DHRSX: variants seen among roughly 807,000 people sequenced by gnomAD.
DHRSX encodes the protein dehydrogenase/reductase X-linked.
In DHRSX, 31 loss-of-function variants were observed where a neutral mutation model predicts 34.0. The ratio of observed to expected loss-of-function variants is 0.91; its 90% CI spans 0.69 to 1.23. DHRSX has a LOEUF of 1.23. Among genes scored for constraint, DHRSX ranks in the 50% most tolerant of loss-of-function variants. The pLI, the probability that DHRSX is intolerant of heterozygous loss-of-function variation, is 0.00. For synonymous variants in DHRSX, 201 were observed against 183.8 expected (o/e 1.09, Z -0.76); for missense variants, 414 against 428.1 (o/e 0.97, Z 0.29).
chrX:2,374,747 C>A (rs28609370), intron 3 of DHRSX, among the ~76,000 whole-genome samples: 2,916 of 133,904 alleles, frequency 0.022, 672 homozygotes, highest in South Asian at 0.048. Flanking sequence ...CTCAAAAAAA[C>A]CAAAAAACAA....
intron 3 of DHRSX, among the ~76,000 whole-genome samples, chrX:2,380,967 C>T (rs184781085): frequency 0.061 from 9,293 of 152,108 alleles, 642 homozygotes; most frequent in African/African-American, 0.17. Context: ...GAGGTTCAAG[C>T]GATTCTCCTG....
chrX:2,283,040 G>A (rs992145246), intron 4 of DHRSX, among the ~76,000 whole-genome samples: 4 of 151,552 alleles, frequency 2.6e-5, no homozygotes, highest in Admixed American at 1.3e-4. Context: ...GGAGAAGGAG[G>A]AGAGAGAGAC....
chrX:2,464,837 C>G (rs978580334), intron 1 of DHRSX, among the ~76,000 whole-genome samples: 2 of 151,736 alleles, frequency 1.3e-5, no homozygotes, highest in African/African-American at 4.8e-5. Context: ...AGCCAAGGAA[C>G]GGCCACCATG....
At chrX:2,393,654 C>T (rs1234784449) in intron 3 of DHRSX, among the ~76,000 whole-genome samples, 86 of 143,920 alleles carry the variant, frequency 6.0e-4, no homozygotes, top group African/African-American at 2.2e-3. Flanking sequence ...GGGACCTCCC[C>T]GTCTCCTCCG....
intron 1 of DHRSX, among the ~76,000 whole-genome samples, chrX:2,482,561 G>A (rs765308606): frequency 6.6e-6 from 1 of 152,172 alleles, no homozygotes; most frequent in South Asian, 2.1e-4. Flanking sequence ...CATTGTGCCC[G>A]GTCTCATACC....
intron 1 of DHRSX, among the ~76,000 whole-genome samples, chrX:2,450,419 G>A (rs1351211362): frequency 2.0e-5 from 3 of 151,870 alleles, no homozygotes; most frequent in African/African-American, 4.8e-5. Flanking sequence ...CCAAGATCGC[G>A]TCACTGTACT....
chrX:2,500,774 A>G lies in DHRSX; in HGVS notation c.109+43T>C, dbSNP rs994189246. On this transcript the variant is annotated intron_variant, in intron 1 of 6. Transcript: ENST00000334651. ...CCCGCCCCCGAGCCAGCCCGCGCCC[A>G]CCCGGGTCCCCGGAGCCCTGACCCC... is the stretch of plus-strand genomic sequence containing the variant. The G allele has an allele frequency of 1.2e-5, 6 of 512,130 alleles. No individual in the cohort carries two copies. The African/African-American group carries it at 1.9e-4, about 16-fold the overall frequency. The allele number at this position is 512,130 out of a possible 1,614,324, so 31.7% of individuals were successfully genotyped here.
intron 4 of DHRSX, among the ~76,000 whole-genome samples, chrX:2,267,315 G>A (rs1188153907): frequency 1.3e-5 from 2 of 152,216 alleles, no homozygotes; most frequent in Admixed American, 6.5e-5. Context: ...AGGCCAAGGC[G>A]GGTGGATCAT....
At chrX:2,382,977 A>AT (rs1278354189) in intron 3 of DHRSX, among the ~76,000 whole-genome samples, 2 of 63,862 alleles carry the variant, frequency 3.1e-5, no homozygotes, top group Non-Finnish European at 7.5e-5. Flanking sequence ...CACCATCATC[A>AT]CCATCATCAG....
chrX:2,370,589 T>TAAAAAAAAAAAA (rs1049095204), intron 3 of DHRSX, among the ~76,000 whole-genome samples: 1 of 70,428 alleles, frequency 1.4e-5, no homozygotes, highest in African/African-American at 5.7e-5. Flanking sequence ...ATGGTTTTAC[T>TAAAAAAAAAAAA]GAAAAAAAAA....
At chrX:2,491,984 G>A (rs2045160160) in intron 1 of DHRSX, among the ~76,000 whole-genome samples, 1 of 152,182 alleles carries the variant, frequency 6.6e-6, no homozygotes. Flanking sequence ...GTTAAAAGGT[G>A]TAATTGTGTC....
chrX:2,489,418 G>A, intron 1 of DHRSX: 1 of 1,613,928 alleles, frequency 6.2e-7, no homozygotes, highest in Non-Finnish European at 8.5e-7. Flanking sequence ...CCTTGATGTT[G>A]AGCGTGGTGT....
intron 6 of DHRSX, among the ~76,000 whole-genome samples, chrX:2,231,411 C>G (rs1277877274): frequency 6.6e-6 from 1 of 151,970 alleles, no homozygotes; most frequent in East Asian, 1.9e-4. Flanking sequence ...TCTCCTTCCT[C>G]CTTTGCTTCC....
At chrX:2,276,737 G>A (rs2041659922) in intron 4 of DHRSX, among the ~76,000 whole-genome samples, 1 of 150,146 alleles carries the variant, frequency 6.7e-6, no homozygotes, top group Non-Finnish European at 1.5e-5. Context: ...GGCAATCAGA[G>A]AGAGAGAGAG....
At chrX:2,354,446 T>G in intron 3 of DHRSX, among the ~76,000 whole-genome samples, 1 of 152,082 alleles carries the variant, frequency 6.6e-6, no homozygotes, top group East Asian at 1.9e-4. Context: ...CAGCCTCCAC[T>G]CCCTGCCCAT....
At chrX:2,223,952 A>G (rs1216503350) in intron 6 of DHRSX, among the ~76,000 whole-genome samples, 1 of 152,192 alleles carries the variant, frequency 6.6e-6, no homozygotes, top group East Asian at 1.9e-4. Context: ...AAGTGATCAG[A>G]GAGGCCAGAT....
chrX:2,223,197 A>C (rs2015560041), intron 6 of DHRSX, among the ~76,000 whole-genome samples: 1 of 152,146 alleles, frequency 6.6e-6, no homozygotes, highest in Non-Finnish European at 1.5e-5. Flanking sequence ...AGTGGGAGGT[A>C]ATTGAATCAT....
chrX:2,473,758 A>G (rs764935681), intron 1 of DHRSX, among the ~76,000 whole-genome samples: 5 of 137,298 alleles, frequency 3.6e-5, no homozygotes, highest in African/African-American at 9.4e-5. Context: ...AGTCTACACG[A>G]ATATAGAGAA....
intron 1 of DHRSX, among the ~76,000 whole-genome samples, chrX:2,444,967 G>A (rs1314726813): frequency 7.9e-5 from 12 of 152,254 alleles, no homozygotes; most frequent in African/African-American, 2.6e-4. Context: ...GACCAGCCTG[G>A]CCAACATGGA....
Sources: gnomAD v4.1 joint callset for allele counts (sites outside exome capture counted in the v4.1 genomes callset) on GRCh38, gnomAD v4.1.1 for gene constraint, MANE v1.5 for transcripts, NCBI Gene and HGNC (gene_info 2026-07-23, HGNC 2026-07-21) for gene names.